The following SNTG1 variants were observed in gnomAD, a reference collection of about 807,000 sequenced individuals.
The protein encoded by SNTG1 is gamma-1-syntrophin.
In SNTG1, 39 loss-of-function variants were observed where a neutral mutation model predicts 74.7. The observed-to-expected ratio is 0.52, with a 90% CI of 0.40 to 0.68. SNTG1 has a LOEUF of 0.68. Among genes scored for constraint, SNTG1 ranks in the 30% least tolerant of loss-of-function variants. The pLI is 0.00. For synonymous variants in SNTG1, 254 were observed against 217.1 expected (o/e 1.17, Z -1.49); for missense variants, 685 against 609.5 (o/e 1.12, Z -1.30).
At chr8:50,011,385 G>T (rs1205217291) in intron 1 of SNTG1, among the ~76,000 whole-genome samples, 2 of 152,140 alleles carry the variant, frequency 1.3e-5, no homozygotes, top group African/African-American at 4.8e-5. Context: ...GCCCAATGCA[G>T]GGAGGTGCCA....
chr8:50,357,655 T>C (rs547332714), intron 2 of SNTG1, among the ~76,000 whole-genome samples: 16 of 152,228 alleles, frequency 1.1e-4, no homozygotes, highest in Non-Finnish European at 1.8e-4. Context: ...CTTTTGATTA[T>C]CCTTGTCAGC....
chr8:50,546,065 A>G (rs1313776823), intron 11 of SNTG1, among the ~76,000 whole-genome samples: 2 of 152,162 alleles, frequency 1.3e-5, no homozygotes, highest in African/African-American at 2.4e-5. Context: ...AGGAAGAAAA[A>G]GAAAAAATAC....
intron 1 of SNTG1, among the ~76,000 whole-genome samples, chr8:49,931,014 C>A (rs981189550): frequency 1.3e-5 from 2 of 152,080 alleles, no homozygotes; most frequent in Non-Finnish European, 2.9e-5. Flanking sequence ...GAAAAAGATA[C>A]ATTTCAAAGG....
At position 50,590,896 on chromosome 8, in the gene SNTG1, A is replaced by G; in HGVS notation, c.828A>G (p.Arg276=). The change falls in exon 13 of 19, where the codon AGA becomes AGG. Residue 276 remains arginine, a synonymous_variant. Transcript: ENST00000642720. ...LTKHNIKKIN[R]NFPVNQQIVY... is the part of the protein sequence containing the mutation. ...CATTGCAGATTAAAAAAATCAACAG[A>G]AACTTTCCTGTAAACCAGCAGGTAA... The G allele has an allele frequency of 6.4e-7, 1 of 1,572,528 alleles. No individual in the cohort carries two copies. The highest frequency in any genetic ancestry group is 8.7e-7 in the Non-Finnish European group (1 of 1,155,676).
chr8:49,949,419 C>A (rs1039987618), intron 1 of SNTG1, among the ~76,000 whole-genome samples: 5 of 152,132 alleles, frequency 3.3e-5, no homozygotes, highest in African/African-American at 4.8e-5. Context: ...ATCTATAATT[C>A]ACTGATCTTC....
chr8:50,694,811 T>A (rs913441659), intron 15 of SNTG1, among the ~76,000 whole-genome samples: 1 of 151,468 alleles, frequency 6.6e-6, no homozygotes, highest in African/African-American at 2.4e-5. Context: ...GCCACATTAA[T>A]GAAATGAAGG....
At chr8:50,149,169 G>T (rs2081975655) in intron 1 of SNTG1, among the ~76,000 whole-genome samples, 2 of 152,170 alleles carry the variant, frequency 1.3e-5, no homozygotes, top group Admixed American at 6.6e-5. Context: ...TCATGTGTCT[G>T]TTGGCTGCAT....
At chr8:50,115,576 A>AAAAAAAAAAAAAAAAATAAAC (rs1482375164) in intron 1 of SNTG1, among the ~76,000 whole-genome samples, 1 of 82,800 alleles carries the variant, frequency 1.2e-5, no homozygotes, top group African/African-American at 3.2e-5. Flanking sequence ...TCAAAAAAAA[A>AAAAAAAAAAAAAAAAATAAAC]AAAAAAAAAA....
intron 2 of SNTG1, among the ~76,000 whole-genome samples, chr8:50,357,563 T>A (rs190463324): frequency 6.6e-6 from 1 of 152,320 alleles, no homozygotes; most frequent in East Asian, 1.9e-4. Context: ...TATATTATAT[T>A]AACATCATTC....
chr8:50,397,913 A>G (rs1294457547), intron 3 of SNTG1, among the ~76,000 whole-genome samples: 3 of 152,354 alleles, frequency 2.0e-5, no homozygotes, highest in African/African-American at 7.2e-5. Context: ...AGAAAAATAA[A>G]TTAATACTTC....
chr8:50,395,403 A>G (rs1389818103), intron 3 of SNTG1, among the ~76,000 whole-genome samples: 2 of 151,952 alleles, frequency 1.3e-5, no homozygotes, highest in Non-Finnish European at 2.9e-5. Flanking sequence ...GAGTGTGTAC[A>G]TTATTCATCT....
chr8:50,390,768 C>T (rs1027150158), intron 2 of SNTG1, among the ~76,000 whole-genome samples: 1 of 152,054 alleles, frequency 6.6e-6, no homozygotes, highest in Non-Finnish European at 1.5e-5. Context: ...TGTAGTTCTC[C>T]TTGAAAAGGT....
chr8:50,779,811 C>A, intron 18 of SNTG1, among the ~76,000 whole-genome samples: 1 of 152,038 alleles, frequency 6.6e-6, no homozygotes, highest in Non-Finnish European at 1.5e-5. Flanking sequence ...CCAGTTTTTG[C>A]CAATTCAGTA....
intron 18 of SNTG1, among the ~76,000 whole-genome samples, chr8:50,754,733 AT>A (rs1000239773): frequency 2.6e-5 from 4 of 151,344 alleles, no homozygotes; most frequent in South Asian, 2.1e-4. Flanking sequence ...CTCATTTTTA[AT>A]TTTTTTGAGA....
chr8:50,165,907 T>C (rs1490837774), intron 1 of SNTG1, among the ~76,000 whole-genome samples: 2 of 151,304 alleles, frequency 1.3e-5, no homozygotes, highest in African/African-American at 4.9e-5. Flanking sequence ...AGCATGGTAC[T>C]GGTACCAAAA....
At chr8:50,238,487 C>A (rs901545609) in intron 2 of SNTG1, among the ~76,000 whole-genome samples, 4 of 152,012 alleles carry the variant, frequency 2.6e-5, no homozygotes, top group Non-Finnish European at 5.9e-5. Flanking sequence ...ATACAAAAAT[C>A]AACTTAAGAT....
intron 2 of SNTG1, among the ~76,000 whole-genome samples, chr8:50,260,686 G>T (rs1260553792): frequency 4.9e-5 from 7 of 143,922 alleles, no homozygotes; most frequent in African/African-American, 1.8e-4. Flanking sequence ...AGAGCTAATG[G>T]AAAAAAAACC....
chr8:50,568,408 G>A (rs1424896399), intron 12 of SNTG1, among the ~76,000 whole-genome samples: 2 of 151,976 alleles, frequency 1.3e-5, no homozygotes, highest in African/African-American at 2.4e-5. Flanking sequence ...TACTTTTTGA[G>A]GAACCTCCCT....
intron 8 of SNTG1, among the ~76,000 whole-genome samples, chr8:50,471,592 A>G (rs1036116869): frequency 5.9e-5 from 9 of 152,180 alleles, no homozygotes; most frequent in African/African-American, 1.9e-4. Flanking sequence ...TTAGCATACA[A>G]TGCCACATGC....
Sources: allele counts gnomAD v4.1 joint callset (sites outside exome capture counted in the v4.1 genomes callset), GRCh38; gene constraint gnomAD v4.1.1; transcripts MANE v1.5; gene names NCBI Gene and HGNC (gene_info 2026-07-23, HGNC 2026-07-21).